TBCA: variants seen among roughly 807,000 people sequenced by gnomAD.
TBCA encodes the protein tubulin-specific chaperone A.
Under a neutral mutation model 15.8 loss-of-function variants are expected in TBCA, and 6 were observed. The ratio of observed to expected loss-of-function variants is 0.38; its 90% CI spans 0.21 to 0.75. TBCA has a LOEUF of 0.75. Ranked by LOEUF, TBCA falls within the 30% of genes least tolerant of loss-of-function variation. TBCA has a pLI of 0.46. For missense variants in TBCA, 90 were observed against 131.2 expected (o/e 0.69, Z 1.53); for synonymous variants, 32 against 42.3 (o/e 0.76, Z 0.94).
chr5:77,744,621 C>T (rs942930235), intron 1 of TBCA, among the ~76,000 whole-genome samples: 4 of 146,834 alleles, frequency 2.7e-5, no homozygotes, highest in Admixed American at 2.1e-4. Context: ...CTGCAACCTC[C>T]GCCTCCCAGG....
chr5:77,708,428 A>G, intron 1 of TBCA, 81 bp from the exon 2 acceptor site: 2 of 789,020 alleles, frequency 2.5e-6, no homozygotes, highest in African/African-American at 1.8e-5. Flanking sequence ...TATAAAACAT[A>G]TTATATTTAA....
intron 1 of TBCA, among the ~76,000 whole-genome samples, chr5:77,750,880 A>C (rs1230874379): frequency 6.6e-6 from 1 of 152,174 alleles, no homozygotes; most frequent in Non-Finnish European, 1.5e-5. Context: ...GACAACTCAA[A>C]GGCAAGGTGC....
At chr5:77,759,201 G>C (rs1415139841) in intron 1 of TBCA, among the ~76,000 whole-genome samples, 1 of 152,184 alleles carries the variant, frequency 6.6e-6, no homozygotes, top group African/African-American at 2.4e-5. Flanking sequence ...GAGCGGGGAC[G>C]CTTCCAGGTC....
intron 1 of TBCA, among the ~76,000 whole-genome samples, chr5:77,713,988 C>T (rs547669857): frequency 4.2e-5 from 6 of 142,652 alleles, no homozygotes; most frequent in Admixed American, 2.1e-4. Context: ...GCCTTTTAGA[C>T]GCACACAGAA....
chr5:77,742,968 C>T (rs567976180), intron 1 of TBCA, among the ~76,000 whole-genome samples: 5 of 152,180 alleles, frequency 3.3e-5, no homozygotes, highest in African/African-American at 1.2e-4. Context: ...TAGAAAAGAT[C>T]TCTGAACACA....
chr5:77,753,920 G>A (rs1020455871), intron 1 of TBCA, among the ~76,000 whole-genome samples: 3 of 151,956 alleles, frequency 2.0e-5, no homozygotes, highest in Non-Finnish European at 4.4e-5. Context: ...CACCACACCC[G>A]ACTAATTGCA....
At chr5:77,712,164 T>C (rs889284259) in intron 1 of TBCA, among the ~76,000 whole-genome samples, 9 of 152,200 alleles carry the variant, frequency 5.9e-5, no homozygotes, top group Non-Finnish European at 8.8e-5. Context: ...CAACTTCTAC[T>C]TCACTAAATA....
At chr5:77,745,534 A>G (rs1747166516) in intron 1 of TBCA, among the ~76,000 whole-genome samples, 1 of 152,186 alleles carries the variant, frequency 6.6e-6, no homozygotes, top group Non-Finnish European at 1.5e-5. Context: ...TTTAAACCTG[A>G]ATATCTGATA....
intron 1 of TBCA, among the ~76,000 whole-genome samples, chr5:77,731,230 G>A (rs1395228525): frequency 6.6e-6 from 1 of 152,110 alleles, no homozygotes; most frequent in Non-Finnish European, 1.5e-5. Context: ...CATTGTATAG[G>A]TGACTAATAA....
At chr5:77,762,685 A>G (rs1279131355) in intron 1 of TBCA, among the ~76,000 whole-genome samples, 2 of 152,182 alleles carry the variant, frequency 1.3e-5, no homozygotes, top group African/African-American at 2.4e-5. Flanking sequence ...ACAGAGCACC[A>G]AGAGGGTTTT....
chr5:77,710,456 C>A (rs1746249680), intron 1 of TBCA, among the ~76,000 whole-genome samples: 3 of 152,102 alleles, frequency 2.0e-5, no homozygotes, highest in Admixed American at 1.3e-4. Flanking sequence ...CTTGTTAGGA[C>A]AGAGATGGCA....
At chr5:77,693,146 A>T in intron 3 of TBCA, 120 bp downstream of exon 3, 1 of 1,532,168 alleles carries the variant, frequency 6.5e-7, no homozygotes, top group Non-Finnish European at 8.7e-7. Context: ...AGCGGTATAA[A>T]GGGCAAGTGA....
intron 2 of TBCA, among the ~76,000 whole-genome samples, chr5:77,702,217 A>G (rs1408668147): frequency 1.3e-5 from 2 of 152,194 alleles, no homozygotes; most frequent in African/African-American, 2.4e-5. Context: ...ACCTATGTTC[A>G]CATCAAAACT....
chr5:77,728,549 C>T (rs1310753728), intron 1 of TBCA, among the ~76,000 whole-genome samples: 2 of 152,024 alleles, frequency 1.3e-5, no homozygotes, highest in Non-Finnish European at 2.9e-5. Flanking sequence ...AGTACATAAA[C>T]CTCAACAACT....
At chr5:77,699,954 C>T (rs1256834943) in intron 2 of TBCA, among the ~76,000 whole-genome samples, 1 of 144,102 alleles carries the variant, frequency 6.9e-6, no homozygotes, top group Non-Finnish European at 1.5e-5. Flanking sequence ...AGGAGAATTG[C>T]TTGAACCTGG....
chr5:77,758,238 CAAAGACAGGCG>C lies in TBCA; in HGVS notation c.53+17956_53+17966del, dbSNP rs201232247. On this transcript the variant is annotated intron_variant, in intron 1 of 3. Transcript: ENST00000380377. Reference sequence around the variant, plus strand: ...TAAGAAAAAAACAAGAAAGTGAAATCAAAGACAGGCGGCCTGGCACCAGGCCCAAAACCAGG... The same window carrying C: ...TAAGAAAAAAACAAGAAAGTGAAATCGCCTGGCACCAGGCCCAAAACCAGG... Among the ~76,000 whole-genome samples the C allele has an allele frequency of 7.9e-3, 1,199 of 152,210 alleles. 9 individuals carry two copies. Among genetic ancestry groups the C allele is most frequent in the Middle Eastern group, 0.017 (5 of 294 alleles).
intron 1 of TBCA, among the ~76,000 whole-genome samples, chr5:77,741,240 T>C (rs1319269037): frequency 6.6e-6 from 1 of 152,118 alleles, no homozygotes; most frequent in Non-Finnish European, 1.5e-5. Flanking sequence ...AGAAATAGGA[T>C]AGAGGTTTTT....
At chr5:77,758,216 GA>G (rs913588990) in intron 1 of TBCA, among the ~76,000 whole-genome samples, 1 of 152,024 alleles carries the variant, frequency 6.6e-6, no homozygotes, top group Non-Finnish European at 1.5e-5. Flanking sequence ...CCTGTTTTAA[GA>G]AAAAAACAAG....
intron 1 of TBCA, among the ~76,000 whole-genome samples, chr5:77,712,019 T>C (rs1464437148): frequency 1.3e-5 from 2 of 151,054 alleles, no homozygotes; most frequent in South Asian, 2.1e-4. Context: ...AATGCAAGCA[T>C]GTAAAATTAT....
Sources: gnomAD v4.1 joint callset for allele counts (sites outside exome capture counted in the v4.1 genomes callset) on GRCh38, gnomAD v4.1.1 for gene constraint, MANE v1.5 for transcripts, NCBI Gene and HGNC (gene_info 2026-07-23, HGNC 2026-07-21) for gene names.